The following GLIS3 variants were observed in gnomAD, a reference collection of about 807,000 sequenced individuals.
The protein encoded by GLIS3 is zinc finger protein GLIS3.
In GLIS3, 53 loss-of-function variants were observed where a neutral mutation model predicts 78.6. The ratio of observed to expected loss-of-function variants is 0.67; its 90% CI spans 0.54 to 0.85. GLIS3 has a LOEUF of 0.85. Ranked by LOEUF, GLIS3 falls within the 40% of genes least tolerant of loss-of-function variation. GLIS3 has a pLI of 0.00. For missense variants in GLIS3, 1,703 were observed against 1,231.1 expected (o/e 1.38, Z -5.74); for synonymous variants, 684 against 509.9 (o/e 1.34, Z -4.60).
At chr9:4,447,797 C>G in the GLIS3 span, among the ~76,000 whole-genome samples, 14 of 152,226 alleles carry the variant, frequency 9.2e-5, no homozygotes, top group African/African-American at 3.4e-4. Context: ...AAGCAGCCAG[C>G]CTCCTGAGCC....
chr9:3,943,632 C>T (rs1816093131), intron 4 of GLIS3, among the ~76,000 whole-genome samples: 1 of 152,170 alleles, frequency 6.6e-6, no homozygotes, highest in Non-Finnish European at 1.5e-5. Context: ...ACTGAGTTTC[C>T]AAAGGTTCCA....
At chr9:4,249,554 T>C (rs1004223723) in intron 2 of GLIS3, among the ~76,000 whole-genome samples, 7 of 152,220 alleles carry the variant, frequency 4.6e-5, no homozygotes, top group African/African-American at 1.7e-4. Flanking sequence ...TACAATCATG[T>C]CATCTGCAAA....
At chr9:4,408,433 A>C in the GLIS3 span, among the ~76,000 whole-genome samples, 1 of 151,722 alleles carries the variant, frequency 6.6e-6, no homozygotes, top group Non-Finnish European at 1.5e-5. Flanking sequence ...GGATATTAAA[A>C]AAAAAAAAAA....
chr9:4,258,338 T>A (rs1397165214), intron 2 of GLIS3, among the ~76,000 whole-genome samples: 2 of 152,188 alleles, frequency 1.3e-5, no homozygotes, highest in Non-Finnish European at 2.9e-5. Context: ...TATATACCAA[T>A]GCTGGTTTCT....
intron 2 of GLIS3, among the ~76,000 whole-genome samples, chr9:4,219,134 G>A (rs1284382362): frequency 6.6e-6 from 1 of 152,216 alleles, no homozygotes; most frequent in Non-Finnish European, 1.5e-5. Flanking sequence ...CAGGAATATA[G>A]CCAAATGCTT....
At chr9:4,228,288 G>A (rs1047082254) in intron 2 of GLIS3, among the ~76,000 whole-genome samples, 7 of 151,958 alleles carry the variant, frequency 4.6e-5, no homozygotes, top group African/African-American at 1.2e-4. Flanking sequence ...AAATGCTGAC[G>A]GGACCTCTAG....
At chr9:3,871,831 C>T (rs1405432579) in intron 8 of GLIS3, among the ~76,000 whole-genome samples, 3 of 152,198 alleles carry the variant, frequency 2.0e-5, no homozygotes, top group African/African-American at 7.2e-5. Context: ...ACATTTGGCT[C>T]CTCGTTACTT....
the GLIS3 span, among the ~76,000 whole-genome samples, chr9:4,381,483 C>T: frequency 1.1e-4 from 16 of 152,220 alleles, no homozygotes; most frequent in African/African-American, 3.6e-4. Context: ...ATCAAGTTAA[C>T]ACAGGAAAAG....
At chr9:4,340,334 G>A (rs1478751892) in intron 2 of GLIS3, among the ~76,000 whole-genome samples, 1 of 139,266 alleles carries the variant, frequency 7.2e-6, no homozygotes, top group East Asian at 2.2e-4. Flanking sequence ...TATTTGCCAT[G>A]ACTGATGTCA....
At chr9:4,079,236 T>C (rs763475467) in intron 4 of GLIS3, among the ~76,000 whole-genome samples, 6 of 152,160 alleles carry the variant, frequency 3.9e-5, no homozygotes, top group Non-Finnish European at 7.4e-5. Context: ...TACTCAACAA[T>C]AGTCAACATG....
At chr9:4,173,978 C>A (rs574935948) in intron 2 of GLIS3, among the ~76,000 whole-genome samples, 3 of 151,982 alleles carry the variant, frequency 2.0e-5, no homozygotes, top group Non-Finnish European at 4.4e-5. Context: ...ATAACCGAAA[C>A]ACTCCCATTT....
At chr9:4,207,421 G>A (rs1819981411) in intron 2 of GLIS3, among the ~76,000 whole-genome samples, 2 of 152,286 alleles carry the variant, frequency 1.3e-5, no homozygotes, top group East Asian at 1.9e-4. Context: ...AACATTTGCA[G>A]GATTAAAATG....
Position 3,937,123 on chromosome 9 carries a change from C to T in GLIS3, c.1777G>A (p.Gly593Ser). Residue 593 changes from glycine (G) to serine (S), a missense_variant, in exon 5 of 11, where the codon GGC becomes AGC. Coordinates refer to ENST00000381971, the MANE Select transcript of GLIS3 (RefSeq NM_001042413.2). Reference protein sequence around the residue: ...NLKIHLRSHTGEKPYLCQHPG... With the variant: ...NLKIHLRSHTSEKPYLCQHPG... Reference sequence around the variant, plus strand: ...TGCTGGCACAAATACGGCTTCTCGCCTGTGTGGCTCCGCAAGTGGATCTTG... The same window carrying T: ...TGCTGGCACAAATACGGCTTCTCGCTTGTGTGGCTCCGCAAGTGGATCTTG... The T allele has an allele frequency of 1.2e-6, 2 of 1,614,116 alleles. No homozygotes were observed. Among genetic ancestry groups the T allele is most frequent in the Non-Finnish European group, 1.7e-6 (2 of 1,180,024 alleles).
chr9:3,942,388 A>G (rs552452599), intron 4 of GLIS3, among the ~76,000 whole-genome samples: 48 of 152,300 alleles, frequency 3.2e-4, no homozygotes, highest in Admixed American at 2.7e-3. Context: ...GCCAGTTCCC[A>G]TCTCCACATA....
At chr9:4,449,797 C>G in the GLIS3 span, among the ~76,000 whole-genome samples, 1 of 152,134 alleles carries the variant, frequency 6.6e-6, no homozygotes, top group Non-Finnish European at 1.5e-5. Context: ...GGAATAGCAT[C>G]AACATCAACA....
chr9:4,353,827 T>C, the GLIS3 span, among the ~76,000 whole-genome samples: 2 of 152,138 alleles, frequency 1.3e-5, no homozygotes, highest in Non-Finnish European at 2.9e-5. Flanking sequence ...TTTGCTTTTG[T>C]TTCCCACAGT....
chr9:3,952,015 G>A (rs2130847022), intron 4 of GLIS3, among the ~76,000 whole-genome samples: 1 of 152,006 alleles, frequency 6.6e-6, no homozygotes, highest in Non-Finnish European at 1.5e-5. Context: ...GAGAGAGAGA[G>A]GGGAAACCAG....
At chr9:4,291,254 C>T (rs937313993) in intron 1 of GLIS3, among the ~76,000 whole-genome samples, 9 of 152,038 alleles carry the variant, frequency 5.9e-5, no homozygotes, top group African/African-American at 2.2e-4. Flanking sequence ...GGTTTTATTT[C>T]TGAGTTATAC....
the GLIS3 span, among the ~76,000 whole-genome samples, chr9:4,481,515 A>AGTGTGT: frequency 0.075 from 11,064 of 147,490 alleles, 500 homozygotes; most frequent in Non-Finnish European, 0.1. Flanking sequence ...TAAAAACATA[A>AGTGTGT]GTGTGTGTGT....
Sources: allele counts gnomAD v4.1 joint callset (sites outside exome capture counted in the v4.1 genomes callset), GRCh38; gene constraint gnomAD v4.1.1; transcripts MANE v1.5; gene names NCBI Gene and HGNC (gene_info 2026-07-23, HGNC 2026-07-21).